The following ASTN2 variants were observed in gnomAD, a reference collection of about 807,000 sequenced individuals.
The protein encoded by ASTN2 is astrotactin 2.
A neutral mutation model predicts 139.8 loss-of-function variants in ASTN2; 54 were observed. That is an observed-to-expected ratio of 0.39 (90% CI 0.31 to 0.48). The LOEUF (loss-of-function observed/expected upper bound fraction) is 0.48, where lower values mean the gene tolerates loss of function less well. Among genes scored for constraint, ASTN2 ranks in the 20% least tolerant of loss-of-function variants. The probability of loss-of-function intolerance (pLI) is 0.95; values close to 1 mark genes in which losing one functional copy is unlikely to be tolerated. For synonymous variants in ASTN2, 756 were observed against 719.5 expected (o/e 1.05, Z -0.81); for missense variants, 1,565 against 1,725.1 (o/e 0.91, Z 1.64).
intron 11 of ASTN2, among the ~76,000 whole-genome samples, chr9:116,851,930 C>T (rs373065321): frequency 4.6e-5 from 7 of 152,006 alleles, no homozygotes; most frequent in Non-Finnish European, 7.4e-5. Flanking sequence ...GGTACTGTGG[C>T]GGGAAAGGGA....
chr9:117,228,183 ATAGAG>A (rs1217236273), intron 2 of ASTN2, among the ~76,000 whole-genome samples: 1 of 151,584 alleles, frequency 6.6e-6, no homozygotes, highest in African/African-American at 2.4e-5. Context: ...TATATATGTT[ATAGAG>A]TAATTTACAC....
At chr9:116,651,314 A>G (rs1182410450) in intron 17 of ASTN2, among the ~76,000 whole-genome samples, 1 of 152,204 alleles carries the variant, frequency 6.6e-6, no homozygotes, top group Non-Finnish European at 1.5e-5. Flanking sequence ...GTATTAAGCC[A>G]CTGAGATTTA....
At chr9:117,275,364 A>G (rs747515617) in intron 2 of ASTN2, among the ~76,000 whole-genome samples, 17 of 152,124 alleles carry the variant, frequency 1.1e-4, no homozygotes, top group Middle Eastern at 3.2e-3. Context: ...ATCACAGCAT[A>G]CTAAAAACTG....
At chr9:116,438,887 T>A (rs909383582) in intron 22 of ASTN2, among the ~76,000 whole-genome samples, 1 of 151,882 alleles carries the variant, frequency 6.6e-6, no homozygotes, top group Non-Finnish European at 1.5e-5. Flanking sequence ...GAGGCGGAGG[T>A]TGCAGTGAGC....
intron 10 of ASTN2, among the ~76,000 whole-genome samples, chr9:116,970,072 C>A (rs1836143684): frequency 6.6e-6 from 1 of 152,188 alleles, no homozygotes; most frequent in African/African-American, 2.4e-5. Flanking sequence ...CTAATTCCAT[C>A]TTCAAATTAT....
At chr9:117,173,980 C>CAA (rs5900273) in intron 3 of ASTN2, among the ~76,000 whole-genome samples, 41 of 150,724 alleles carry the variant, frequency 2.7e-4, no homozygotes, top group South Asian at 1.5e-3. Context: ...AAACCAAGAA[C>CAA]AAAAAAAACA....
intron 2 of ASTN2, among the ~76,000 whole-genome samples, chr9:117,217,009 G>A (rs1832343914): frequency 6.6e-6 from 1 of 152,128 alleles, no homozygotes; most frequent in Admixed American, 6.5e-5. Flanking sequence ...TTAATTCCAG[G>A]TCCAGCTGGA....
chr9:116,658,664 A>G (rs568368309), intron 16 of ASTN2, among the ~76,000 whole-genome samples: 1 of 151,276 alleles, frequency 6.6e-6, no homozygotes, highest in South Asian at 2.1e-4. Context: ...AGATGCCAGG[A>G]CCAGAGACCG....
At chr9:117,120,018 G>GTGTGTGTATATATA (rs1306397698) in intron 4 of ASTN2, among the ~76,000 whole-genome samples, 716 of 45,882 alleles carry the variant, frequency 0.016, 12 homozygotes, top group East Asian at 0.062. Flanking sequence ...GTGTGTGTGT[G>GTGTGTGTATATATA]TATATATATA....
chr9:116,457,044 T>G (rs779739609), intron 20 of ASTN2, among the ~76,000 whole-genome samples: 3 of 151,828 alleles, frequency 2.0e-5, no homozygotes, highest in Non-Finnish European at 2.9e-5. Context: ...CAGAAATAAA[T>G]CCACACATCC....
chr9:116,493,717 C>A (rs769373304), intron 19 of ASTN2, among the ~76,000 whole-genome samples: 1 of 152,010 alleles, frequency 6.6e-6, no homozygotes, highest in Non-Finnish European at 1.5e-5. Flanking sequence ...CCGTCAAAGC[C>A]GGCCACATGA....
intron 11 of ASTN2, among the ~76,000 whole-genome samples, chr9:116,827,607 T>C (rs995424023): frequency 2.6e-5 from 4 of 152,126 alleles, no homozygotes; most frequent in African/African-American, 9.7e-5. Flanking sequence ...TGAAGACTAT[T>C]ATGTTCACAA....
At chr9:117,271,920 C>T (rs1834075021) in intron 2 of ASTN2, among the ~76,000 whole-genome samples, 1 of 152,188 alleles carries the variant, frequency 6.6e-6, no homozygotes, top group Non-Finnish European at 1.5e-5. Flanking sequence ...TCCAGGTGCA[C>T]TGCACAAGCT....
At chr9:116,538,288 G>A (rs12379128) in intron 19 of ASTN2, among the ~76,000 whole-genome samples, 30,922 of 151,036 alleles carry the variant, frequency 0.2, 3,297 homozygotes, top group Non-Finnish European at 0.23. Context: ...AGCAAACGGA[G>A]GAATGAAGGA....
At chr9:117,119,890 A>C (rs1176706646) in intron 4 of ASTN2, among the ~76,000 whole-genome samples, 1 of 151,540 alleles carries the variant, frequency 6.6e-6, no homozygotes, top group East Asian at 1.9e-4. Context: ...GTGAATAAAC[A>C]AAATAGCACT....
intron 16 of ASTN2, among the ~76,000 whole-genome samples, chr9:116,712,709 T>C (rs1828199585): frequency 6.6e-6 from 1 of 152,204 alleles, no homozygotes; most frequent in African/African-American, 2.4e-5. Context: ...AACTGTAAAA[T>C]AATTGAAAGT....
At chr9:116,618,639 A>G (rs1855972656) in intron 18 of ASTN2, among the ~76,000 whole-genome samples, 167 bp from the exon 19 acceptor site, 1 of 152,294 alleles carries the variant, frequency 6.6e-6, no homozygotes, top group Admixed American at 6.5e-5. Flanking sequence ...TTCCCCTCTC[A>G]TGGCCTCTGT....
chr9:116,864,385 AGCAACAGTT>A (rs1267021434), intron 10 of ASTN2, among the ~76,000 whole-genome samples: 1 of 152,200 alleles, frequency 6.6e-6, no homozygotes, highest in East Asian at 1.9e-4. Flanking sequence ...CAAGACTATC[AGCAACAGTT>A]GTTGGAAAGG....
intron 19 of ASTN2, among the ~76,000 whole-genome samples, chr9:116,589,211 T>G (rs895925917): frequency 6.6e-6 from 1 of 152,080 alleles, no homozygotes; most frequent in East Asian, 1.9e-4. Context: ...AAAGGAGAAA[T>G]AGATTGCAAT....
Sources: gnomAD v4.1 joint callset for allele counts (sites outside exome capture counted in the v4.1 genomes callset) on GRCh38, gnomAD v4.1.1 for gene constraint, MANE v1.5 for transcripts, NCBI Gene and HGNC (gene_info 2026-07-23, HGNC 2026-07-21) for gene names.